The following RAD54B variants were observed in gnomAD, a reference collection of about 807,000 sequenced individuals.
RAD54B encodes the protein DNA repair and recombination protein RAD54B.
In RAD54B, 78 loss-of-function variants were observed where a neutral mutation model predicts 95.8. That is an observed-to-expected ratio of 0.81 (90% CI 0.68 to 0.98). The LOEUF is 0.98. Among genes scored for constraint, RAD54B ranks in the 50% least tolerant of loss-of-function variants. RAD54B has a pLI of 0.00. For missense variants in RAD54B, 957 were observed against 1,056.6 expected, an observed-to-expected ratio of 0.91 and a Z score of 1.31; for synonymous variants, 328 against 354.9, an observed-to-expected ratio of 0.92 and a Z score of 0.85.
chr8:94,430,263 A>G (rs891339372), intron 3 of RAD54B: 21 of 854,618 alleles, frequency 2.5e-5, no homozygotes, highest in Non-Finnish European at 2.8e-5. Context: ...GTGAGCCAAC[A>G]TCGCACCACT....
Position 94,451,831 on chromosome 8 carries a change from G to A in RAD54B, c.304+6437C>T, listed in dbSNP as rs74499470. On this transcript the variant is annotated intron_variant, in intron 3 of 14. Coordinates refer to ENST00000336148, the MANE Select transcript of RAD54B (RefSeq NM_012415.3). ...ATTGAAGGCAACTAAAAGACACGAT[G>A]ACTAAATACAACACATATCCTGGTC... Among the ~76,000 whole-genome samples the A allele has an allele frequency of 5.9e-5, 9 of 151,718 alleles. No individual in the cohort carries two copies. In the South Asian group the frequency reaches 1.0e-3, roughly 18 times the overall value.
rs150784781 is a variant in RAD54B, at chr8:94,377,124, C to T, written c.2515+1056G>A. Among the ~76,000 whole-genome samples the T allele has an allele frequency of 2.4e-3, 368 of 152,238 alleles. 1 individual carries two copies. The highest frequency in any genetic ancestry group is 3.5e-3 in the Non-Finnish European group (238 of 68,026). The stretch of plus-strand genomic sequence containing the variant: ...ATCAAGTACTGAGAAGTATGGTGAC[C>T]TATGCTTCTAAGTGCCTCAGAAAAT... On this transcript the variant is annotated intron_variant, in intron 14 of 14. Transcript: ENST00000336148.
chr8:94,472,099 C>A (rs1813185548), intron 1 of RAD54B, among the ~76,000 whole-genome samples: 1 of 152,088 alleles, frequency 6.6e-6, no homozygotes. Context: ...GGAGAGATCA[C>A]TCTCTTCTGT....
At chr8:94,396,882 T>C (rs951766733) in intron 8 of RAD54B, among the ~76,000 whole-genome samples, 1 of 152,058 alleles carries the variant, frequency 6.6e-6, no homozygotes, top group East Asian at 1.9e-4. Context: ...AGAGAGATAC[T>C]CCACGAATAC....
intron 12 of RAD54B, among the ~76,000 whole-genome samples, chr8:94,379,140 G>C (rs1027890031): frequency 3.3e-5 from 5 of 152,186 alleles, no homozygotes; most frequent in African/African-American, 1.2e-4. Context: ...CAACTTCTAA[G>C]AGATCATCTC....
chr8:94,449,066 A>ACACG (rs1477916140), intron 3 of RAD54B, among the ~76,000 whole-genome samples: 1 of 151,248 alleles, frequency 6.6e-6, no homozygotes, highest in Non-Finnish European at 1.5e-5. Context: ...ACACACACAC[A>ACACG]CATACACACA....
At position 94,387,093 on chromosome 8, in the gene RAD54B, C is replaced by A; in HGVS notation, c.1876G>T (p.Val626Leu). 7 of 1,613,480 alleles carry A rather than the reference C, an allele frequency of 4.3e-6. No individual in the cohort carries two copies. The highest frequency in any genetic ancestry group is 5.9e-6 in the Non-Finnish European group (7 of 1,179,610). ...EKSLYKGLLS[V>L]FPADYNPLLF... ...AGAGGGTTGTAGTCAGCAGGAAACA[C>A]ACTTAGCAAGCCTTTGTATAGACTC... Residue 626 changes from valine (V) to leucine (L), a missense_variant, in exon 11 of 15, where the codon GTG becomes TTG. Val to Leu is a conservative substitution (Grantham distance 32). Transcript: ENST00000336148.
intron 3 of RAD54B, chr8:94,431,284 A>G (rs1812086567): frequency 1.0e-6 from 1 of 972,880 alleles, no homozygotes; most frequent in Non-Finnish European, 1.2e-6. Context: ...GAATTAAGAC[A>G]TGTCTTTAAA....
intron 3 of RAD54B, among the ~76,000 whole-genome samples, chr8:94,414,127 C>T (rs961035285): frequency 1.3e-5 from 2 of 152,136 alleles, no homozygotes; most frequent in Admixed American, 1.3e-4. Flanking sequence ...TGAGCCACTG[C>T]ACCCAGCCTA....
intron 3 of RAD54B, among the ~76,000 whole-genome samples, chr8:94,414,495 T>C (rs112394182): frequency 0.4 from 60,470 of 151,886 alleles, 12,192 homozygotes; most frequent in Admixed American, 0.5. Context: ...TTTTGAGATA[T>C]GTCCTATCAA....
intron 1 of RAD54B, among the ~76,000 whole-genome samples, chr8:94,468,787 C>A (rs1240617753): frequency 6.6e-6 from 1 of 151,876 alleles, no homozygotes; most frequent in African/African-American, 2.4e-5. Flanking sequence ...TCAGATCACG[C>A]CACTGCACTC....
At chr8:94,392,619 CAG>C (rs1811048296) in intron 9 of RAD54B, among the ~76,000 whole-genome samples, 1 of 151,170 alleles carries the variant, frequency 6.6e-6, no homozygotes, top group Non-Finnish European at 1.5e-5. Flanking sequence ...TTTTTTGAAA[CAG>C]AGTCTCACTC....
At chr8:94,409,991 T>C (rs1322568225) in intron 4 of RAD54B, among the ~76,000 whole-genome samples, 1 of 152,208 alleles carries the variant, frequency 6.6e-6, no homozygotes, top group Non-Finnish European at 1.5e-5. Flanking sequence ...CTATACACAG[T>C]TGTTCCATAT....
intron 5 of RAD54B, among the ~76,000 whole-genome samples, chr8:94,407,127 A>G (rs569379465): frequency 6.6e-6 from 1 of 152,230 alleles, no homozygotes; most frequent in African/African-American, 2.4e-5. Context: ...TCCTTACTAA[A>G]AAGTCAGATT....
rs970979485 is a variant in RAD54B at position 94,399,638 on chromosome 8, G to A, written c.1171-17C>T. The A allele has an allele frequency of 3.2e-6, 5 of 1,582,954 alleles. No individual in the cohort carries two copies. The highest frequency in any genetic ancestry group is 2.7e-5 in the African/African-American group (2 of 73,214). On this transcript the variant is annotated splice_polypyrimidine_tract_variant and intron_variant, in intron 7 of 14. Coordinates refer to ENST00000336148, the MANE Select transcript of RAD54B (RefSeq NM_012415.3). ...TTTGTGGTCCTGAGGAAAAAAGATAGTATTTTAAAAATCAGGAACAGAAAC... is the reference window on the plus strand; with the variant it reads ...TTTGTGGTCCTGAGGAAAAAAGATAATATTTTAAAAATCAGGAACAGAAAC...
chr8:94,377,914 TG>T (rs1810633507), intron 14 of RAD54B, among the ~76,000 whole-genome samples: 1 of 135,578 alleles, frequency 7.4e-6, no homozygotes, highest in Non-Finnish European at 1.5e-5. Flanking sequence ...AGGCGGAGCT[TG>T]CAGTGAGCCG....
In RAD54B at chr8:94,391,771, G is replaced by A. The variant is rs754831452; in HGVS notation, c.1647C>T (p.Cys549=). Residue 549 remains cysteine (C), a synonymous_variant, in exon 10 of 15, where the codon TGC becomes TGT. Transcript: ENST00000336148. ...GCTCAATCTGTAGTGCTCCTGGTCG[G>A]CAAAAGACAACATTCTCTATTTTAG... ...LPPKIENVVF[C]RPGALQIELY... is the part of the protein sequence containing the mutation. 6.2e-7 allele frequency: 1 copy of A among 1,614,016 alleles called. No homozygotes were observed. The highest frequency in any genetic ancestry group is 1.1e-5 in the South Asian group (1 of 91,056).
intron 2 of RAD54B, among the ~76,000 whole-genome samples, chr8:94,463,360 G>A (rs1022031053): frequency 5.3e-5 from 8 of 150,868 alleles, no homozygotes; most frequent in African/African-American, 1.7e-4. Flanking sequence ...TCAGAGAAAT[G>A]CAAAGCAAAA....
chr8:94,468,904 C>A (rs1373727905), intron 1 of RAD54B, among the ~76,000 whole-genome samples: 1 of 151,662 alleles, frequency 6.6e-6, no homozygotes, highest in Non-Finnish European at 1.5e-5. Context: ...TGAGGGGGAT[C>A]CCTTGAGGTC....
Sources: allele counts gnomAD v4.1 joint callset (sites outside exome capture counted in the v4.1 genomes callset), GRCh38; gene constraint gnomAD v4.1.1; transcripts MANE v1.5; gene names NCBI Gene and HGNC (gene_info 2026-07-23, HGNC 2026-07-21).